KCNQ5: variants seen among roughly 807,000 people sequenced by gnomAD.
KCNQ5 encodes potassium voltage-gated channel subfamily KQT member 5.
In KCNQ5, 30 loss-of-function variants were observed where a neutral mutation model predicts 98.2. That is an observed-to-expected ratio of 0.31 (90% CI 0.23 to 0.41). KCNQ5 has a LOEUF of 0.41. Ranked by LOEUF, KCNQ5 falls within the 10% of genes least tolerant of loss-of-function variation. KCNQ5 has a pLI of 1.00. For synonymous variants in KCNQ5, 458 were observed against 449.4 expected, an observed-to-expected ratio of 1.02 and a Z score of -0.24; for missense variants, 835 against 1,182.5, an observed-to-expected ratio of 0.71 and a Z score of 4.31.
intron 1 of KCNQ5, among the ~76,000 whole-genome samples, chr6:72,808,421 T>C (rs983367780): frequency 6.6e-6 from 1 of 152,184 alleles, no homozygotes; most frequent in Non-Finnish European, 1.5e-5. Flanking sequence ...AAGGAGTTGT[T>C]CTGTGCAAGA....
At chr6:73,165,460 G>A (rs555043061) in intron 10 of KCNQ5, among the ~76,000 whole-genome samples, 4 of 152,174 alleles carry the variant, frequency 2.6e-5, no homozygotes, top group African/African-American at 9.6e-5. Flanking sequence ...CAACCCCCTT[G>A]AATTTCCAGG....
chr6:72,798,086 T>C (rs1357158307), intron 1 of KCNQ5, among the ~76,000 whole-genome samples: 2 of 152,172 alleles, frequency 1.3e-5, no homozygotes, highest in Non-Finnish European at 2.9e-5. Context: ...ATGAGTGAAC[T>C]GGGGTGTAAA....
At chr6:72,778,367 T>G (rs936749496) in intron 1 of KCNQ5, among the ~76,000 whole-genome samples, 2 of 151,806 alleles carry the variant, frequency 1.3e-5, no homozygotes, top group Non-Finnish European at 2.9e-5. Flanking sequence ...CAAAACCCCA[T>G]CTCTACCAAA....
At chr6:72,703,792 C>A (rs1267858012) in intron 1 of KCNQ5, among the ~76,000 whole-genome samples, 2 of 152,118 alleles carry the variant, frequency 1.3e-5, no homozygotes, top group African/African-American at 2.4e-5. Context: ...ATGTATATGG[C>A]CCTGCAAAGA....
At chr6:72,766,925 G>A (rs901606605) in intron 1 of KCNQ5, among the ~76,000 whole-genome samples, 1 of 151,934 alleles carries the variant, frequency 6.6e-6, no homozygotes, top group African/African-American at 2.4e-5. Flanking sequence ...TGGTATTTAA[G>A]CTATGTAACT....
At chr6:72,874,302 T>G (rs1778321242) in intron 1 of KCNQ5, among the ~76,000 whole-genome samples, 1 of 151,920 alleles carries the variant, frequency 6.6e-6, no homozygotes, top group African/African-American at 2.4e-5. Context: ...CTTAGAAAAA[T>G]TTTACAAAGT....
intron 1 of KCNQ5, among the ~76,000 whole-genome samples, chr6:72,938,595 G>A (rs944229416): frequency 1.3e-5 from 2 of 151,990 alleles, no homozygotes; most frequent in Non-Finnish European, 2.9e-5. Flanking sequence ...ATGTTGGTTA[G>A]GCTGGTCTCA....
At chr6:73,165,520 G>T (rs573715029) in intron 10 of KCNQ5, among the ~76,000 whole-genome samples, 2 of 152,240 alleles carry the variant, frequency 1.3e-5, no homozygotes, top group African/African-American at 4.8e-5. Flanking sequence ...CCAGCACATG[G>T]CCATGGTGAC....
chr6:73,141,295 C>T (rs1434746501), intron 10 of KCNQ5, among the ~76,000 whole-genome samples: 1 of 152,202 alleles, frequency 6.6e-6, no homozygotes, highest in Non-Finnish European at 1.5e-5. Flanking sequence ...GCCCCCACCT[C>T]TTAATACTAT....
intron 1 of KCNQ5, among the ~76,000 whole-genome samples, chr6:72,677,696 T>C (rs898504712): frequency 6.6e-6 from 1 of 152,212 alleles, no homozygotes; most frequent in African/African-American, 2.4e-5. Flanking sequence ...ACTAAGGAAT[T>C]CAACTGAATG....
intron 2 of KCNQ5, among the ~76,000 whole-genome samples, chr6:73,036,581 A>G (rs948023509): frequency 6.6e-6 from 1 of 152,072 alleles, no homozygotes; most frequent in African/African-American, 2.4e-5. Context: ...TGTTATATAA[A>G]TGGAATAATA....
In KCNQ5 at chr6:72,879,702, T is replaced by A. The variant is rs1446057546; in HGVS notation, c.399-124206T>A. 2.6e-5 allele frequency among the ~76,000 whole-genome samples: 4 copies of A among 152,200 alleles called. No homozygotes were observed. In the East Asian group the frequency reaches 5.8e-4, roughly 22 times the overall value. On this transcript the variant is annotated intron_variant, in intron 1 of 13. Transcript: ENST00000370398. Reference sequence around the variant, plus strand: ...AGGTTATGCTCCTAAATTTTCGAGATGTCTCAAGTTCTTTTTTCACATTCA... The same window carrying A: ...AGGTTATGCTCCTAAATTTTCGAGAAGTCTCAAGTTCTTTTTTCACATTCA...
At chr6:72,956,066 A>G (rs2150259902) in intron 1 of KCNQ5, among the ~76,000 whole-genome samples, 1 of 152,380 alleles carries the variant, frequency 6.6e-6, no homozygotes, top group East Asian at 1.9e-4. Flanking sequence ...ACTAAAAGGT[A>G]AGAAAAGGGA....
At chr6:72,696,698 A>G (rs1439526172) in intron 1 of KCNQ5, among the ~76,000 whole-genome samples, 1 of 152,216 alleles carries the variant, frequency 6.6e-6, no homozygotes, top group Admixed American at 6.5e-5. Flanking sequence ...TTAAAAATAT[A>G]TAGTAAGCTG....
intron 1 of KCNQ5, among the ~76,000 whole-genome samples, chr6:72,813,630 C>T (rs981189315): frequency 2.6e-5 from 4 of 152,028 alleles, no homozygotes; most frequent in African/African-American, 4.8e-5. Flanking sequence ...TTCCAGGACC[C>T]CAGGGACTGG....
At chr6:72,886,256 T>A (rs144461436) in intron 1 of KCNQ5, among the ~76,000 whole-genome samples, 21 of 152,310 alleles carry the variant, frequency 1.4e-4, no homozygotes, top group Admixed American at 1.3e-3. Flanking sequence ...ACATTAGAGA[T>A]ACACAGGCAT....
intron 1 of KCNQ5, among the ~76,000 whole-genome samples, chr6:72,743,176 C>CTTAGAAGA (rs1209574397): frequency 6.6e-6 from 1 of 152,038 alleles, no homozygotes; most frequent in African/African-American, 2.4e-5. Context: ...CCATTAAATA[C>CTTAGAAGA]TTAGAAGATT....
Position 72,757,065 on chromosome 6 carries a change from C to T in KCNQ5, c.398+134478C>T, listed in dbSNP as rs147129921. ...ATATAAAAGGAAATGTTGATGCCCA[C>T]GAAATAATTTCATCTTCATTTATCT... is the stretch of plus-strand genomic sequence containing the variant. On this transcript the variant is annotated intron_variant, in intron 1 of 13. Transcript: ENST00000370398. Among the ~76,000 whole-genome samples, 1,042 of 151,946 alleles carry T rather than the reference C, an allele frequency of 6.9e-3. 17 individuals carry two copies. Among genetic ancestry groups the T allele is most frequent in the African/African-American group, 0.023 (956 of 41,438 alleles).
intron 2 of KCNQ5, among the ~76,000 whole-genome samples, chr6:73,005,451 T>C (rs192078036): frequency 6.6e-6 from 1 of 152,304 alleles, no homozygotes; most frequent in East Asian, 1.9e-4. Flanking sequence ...AATAAATCAA[T>C]CATTAGGAAT....
Sources: gnomAD v4.1 joint callset for allele counts (sites outside exome capture counted in the v4.1 genomes callset) on GRCh38, gnomAD v4.1.1 for gene constraint, MANE v1.5 for transcripts, NCBI Gene and HGNC (gene_info 2026-07-23, HGNC 2026-07-21) for gene names.